DCLK1: variants seen among roughly 807,000 people sequenced by gnomAD.
DCLK1 encodes serine/threonine-protein kinase DCLK1.
A neutral mutation model predicts 86.2 loss-of-function variants in DCLK1; 16 were observed. That is an observed-to-expected ratio of 0.19 (90% CI 0.13 to 0.28). The LOEUF is 0.28. Among genes scored for constraint, DCLK1 ranks in the 10% least tolerant of loss-of-function variants. DCLK1 has a pLI of 1.00. For missense variants in DCLK1, 590 were observed against 940.2 expected (o/e 0.63, Z 4.87); for synonymous variants, 369 against 370.5 (o/e 1.00, Z 0.05).
At chr13:35,815,440 C>A (rs954032598) in intron 11 of DCLK1, among the ~76,000 whole-genome samples, 1 of 152,052 alleles carries the variant, frequency 6.6e-6, no homozygotes, top group African/African-American at 2.4e-5. Context: ...AGTGTTTCTA[C>A]GAATCCAAGG....
chr13:36,002,593 G>C (rs1593806865), intron 3 of DCLK1, among the ~76,000 whole-genome samples: 1 of 152,262 alleles, frequency 6.6e-6, no homozygotes, highest in East Asian at 1.9e-4. Context: ...TTTATATTGG[G>C]ACACAGAGAG....
intron 3 of DCLK1, among the ~76,000 whole-genome samples, chr13:36,013,777 C>T (rs1295825575): frequency 6.6e-6 from 1 of 152,228 alleles, no homozygotes; most frequent in African/African-American, 2.4e-5. Context: ...TTCCTGGCTG[C>T]TTTGTTTACC....
chr13:36,062,664 T>C (rs1402236071), intron 3 of DCLK1, among the ~76,000 whole-genome samples: 1 of 152,186 alleles, frequency 6.6e-6, no homozygotes, highest in Non-Finnish European at 1.5e-5. Context: ...AAATAATCGC[T>C]ATGAGGATGA....
chr13:35,862,699 C>A (rs1871492940), intron 5 of DCLK1, among the ~76,000 whole-genome samples: 1 of 152,208 alleles, frequency 6.6e-6, no homozygotes, highest in African/African-American at 2.4e-5. Context: ...TTTTATTGAA[C>A]AAGCAACTAT....
intron 11 of DCLK1, among the ~76,000 whole-genome samples, chr13:35,816,069 T>C (rs774476672): frequency 7.9e-5 from 12 of 152,202 alleles, no homozygotes; most frequent in Non-Finnish European, 1.5e-4. Flanking sequence ...AGGAGTTCTA[T>C]GCAGCTGCAG....
chr13:36,048,123 T>C (rs1344644336), intron 3 of DCLK1, among the ~76,000 whole-genome samples: 1 of 152,196 alleles, frequency 6.6e-6, no homozygotes, highest in Non-Finnish European at 1.5e-5. Context: ...TCATGTTGTA[T>C]ATCATAAGTA....
chr13:35,890,390 A>G (rs1873570518), intron 4 of DCLK1, among the ~76,000 whole-genome samples: 1 of 152,190 alleles, frequency 6.6e-6, no homozygotes, highest in African/African-American at 2.4e-5. Flanking sequence ...TATATTTGAC[A>G]ATTTACAATA....
chr13:36,034,048 G>T (rs1882393829), intron 3 of DCLK1, among the ~76,000 whole-genome samples: 1 of 152,144 alleles, frequency 6.6e-6, no homozygotes, highest in Non-Finnish European at 1.5e-5. Flanking sequence ...CATAGAAAAA[G>T]CAGGAGCCAG....
intron 4 of DCLK1, among the ~76,000 whole-genome samples, chr13:35,893,817 G>C (rs1457403088): frequency 6.6e-6 from 1 of 152,078 alleles, no homozygotes; most frequent in African/African-American, 2.4e-5. Flanking sequence ...ATTTTTTACT[G>C]TTAAGTACTT....
At chr13:35,845,792 A>G (rs1456988777) in intron 6 of DCLK1, 1 of 371,178 alleles carries the variant, frequency 2.7e-6, no homozygotes, top group African/African-American at 2.2e-5. Flanking sequence ...TTACAACAGA[A>G]GAATGCCATA....
At chr13:35,915,517 A>G (rs1396880582) in intron 4 of DCLK1, among the ~76,000 whole-genome samples, 1 of 152,328 alleles carries the variant, frequency 6.6e-6, no homozygotes, top group East Asian at 1.9e-4. Context: ...CCTGGGCAAC[A>G]TAGCAAGATC....
intron 4 of DCLK1, among the ~76,000 whole-genome samples, chr13:35,893,080 G>A (rs187207884): frequency 2.6e-4 from 40 of 152,276 alleles, no homozygotes; most frequent in African/African-American, 8.4e-4. Context: ...ACACATAGGC[G>A]GAGCCCTGTA....
At chr13:35,909,077 A>T (rs894959723) in intron 4 of DCLK1, among the ~76,000 whole-genome samples, 11 of 152,238 alleles carry the variant, frequency 7.2e-5, no homozygotes, top group Admixed American at 6.5e-4. Flanking sequence ...TCCTAATTAG[A>T]TCTGAGCACG....
chr13:35,972,014 G>A (rs1879086646), intron 3 of DCLK1, among the ~76,000 whole-genome samples: 2 of 151,998 alleles, frequency 1.3e-5, no homozygotes, highest in African/African-American at 2.4e-5. Flanking sequence ...GCACTCCCAG[G>A]AGCTTCTCCT....
intron 4 of DCLK1, among the ~76,000 whole-genome samples, chr13:35,873,590 T>A (rs1382904996): frequency 3.3e-5 from 5 of 151,980 alleles, no homozygotes; most frequent in African/African-American, 4.8e-5. Flanking sequence ...TTCATCATGT[T>A]GGCCAGGCTG....
chr13:35,857,469 A>G (rs186494267), intron 5 of DCLK1, among the ~76,000 whole-genome samples: 201 of 152,212 alleles, frequency 1.3e-3, no homozygotes, highest in African/African-American at 4.7e-3. Flanking sequence ...TCTAGCAATA[A>G]TCAACACTGC....
chr13:35,827,686 A>G lies in DCLK1; in HGVS notation c.1356T>C (p.Ile452=). The change falls in exon 10 of 17, where the codon ATT becomes ATC. Residue 452 remains isoleucine, a synonymous_variant. Transcript: ENST00000360631. ...RVKHPNIVLL[I]EEMDVPTELY... Reference sequence around the variant, plus strand: ...GTTCAGTTGGCACATCCATCTCCTCAATCAGAAGAACGATATTGGGATGCT... The same window carrying G: ...GTTCAGTTGGCACATCCATCTCCTCGATCAGAAGAACGATATTGGGATGCT... 2 of 1,613,986 alleles carry G rather than the reference A, an allele frequency of 1.2e-6. No individual in the cohort carries two copies. Among genetic ancestry groups the G allele is most frequent in the Non-Finnish European group, 1.7e-6 (2 of 1,179,960 alleles).
chr13:36,111,837 A>C (rs115743138), intron 3 of DCLK1, 32 bp downstream of exon 3: 6 of 1,576,648 alleles, frequency 3.8e-6, no homozygotes, highest in Non-Finnish European at 5.2e-6. Flanking sequence ...TCTTGCCTTA[A>C]AGTCAAAGTC....
intron 4 of DCLK1, among the ~76,000 whole-genome samples, chr13:35,894,084 G>A (rs1411066126): frequency 2.6e-5 from 4 of 151,818 alleles, no homozygotes; most frequent in African/African-American, 9.7e-5. Context: ...TTAGACTTGG[G>A]TCCCATCGCT....
Sources: gnomAD v4.1 joint callset for allele counts (sites outside exome capture counted in the v4.1 genomes callset) on GRCh38, gnomAD v4.1.1 for gene constraint, MANE v1.5 for transcripts, NCBI Gene and HGNC (gene_info 2026-07-23, HGNC 2026-07-21) for gene names.